LONRF3: variants seen among roughly 807,000 people sequenced by gnomAD.
LONRF3 encodes the protein LON peptidase N-terminal domain and RING finger protein 3.
A neutral mutation model predicts 51.7 loss-of-function variants in LONRF3; 19 were observed. The ratio of observed to expected loss-of-function variants is 0.37; its 90% CI spans 0.26 to 0.54. The LOEUF is 0.54. LONRF3 is among the 20% of genes least tolerant of loss of function. The pLI is 0.86. For missense variants in LONRF3, 521 were observed against 623.9 expected (o/e 0.84, Z 1.76); for synonymous variants, 265 against 257.8 (o/e 1.03, Z -0.27).
intron 7 of LONRF3, among the ~76,000 whole-genome samples, chrX:119,010,483 C>T (rs1225989776): frequency 9.0e-6 from 1 of 110,700 alleles, no homozygotes; most frequent in Non-Finnish European, 1.9e-5. Context: ...AACTAGAAAT[C>T]GTTTTTTTTT....
At chrX:118,993,452 A>T (rs1923578156) in intron 5 of LONRF3, among the ~76,000 whole-genome samples, 1 of 111,984 alleles carries the variant, frequency 8.9e-6, no homozygotes, top group Non-Finnish European at 1.9e-5. Flanking sequence ...AAGGTCTTCA[A>T]ATTAACCCAA....
chrX:118,983,359 G>A (rs1922714522), intron 3 of LONRF3, among the ~76,000 whole-genome samples: 1 of 111,839 alleles, frequency 8.9e-6, no homozygotes, highest in Non-Finnish European at 1.9e-5. Flanking sequence ...GTTTTCACCA[G>A]CCACACATGA....
rs1360807494 is a variant in LONRF3, at chrX:119,014,345, G to A, written c.2113G>A (p.Ala705Thr). The A allele has an allele frequency of 3.3e-6, 4 of 1,208,810 alleles. No individual in the cohort carries two copies. The highest frequency in any genetic ancestry group is 4.5e-6 in the Non-Finnish European group (4 of 894,157). ...CTTTGGTCCCATGCCGGAGAAAGAC[G>A]CCGATCCTCAGGTATAGAAAAATGT... is the stretch of plus-strand genomic sequence containing the variant. Reference protein sequence around the residue: ...NHFGPMPEKDADPQMNPNGPA... With the variant: ...NHFGPMPEKDTDPQMNPNGPA... Residue 705 changes from alanine to threonine, a missense_variant, in exon 10 of 11, where the codon GCC becomes ACC. Physicochemically the swap from Ala to Thr is moderately conservative, Grantham distance 58 (BLOSUM62 0). Transcript: ENST00000371628.
At chrX:119,014,763 G>A (rs1329700887) in intron 10 of LONRF3, among the ~76,000 whole-genome samples, 5 of 111,309 alleles carry the variant, frequency 4.5e-5, no homozygotes, top group East Asian at 5.7e-4. Flanking sequence ...CTGCTTTCAG[G>A]TAACTTCATA....
In LONRF3 at chrX:118,999,684, G is replaced by A. The variant is rs927681787; in HGVS notation, c.1416-6437G>A. Among the ~76,000 whole-genome samples, 3 of 111,542 alleles carry A rather than the reference G, an allele frequency of 2.7e-5. No homozygotes were observed. In the Admixed American group the frequency reaches 2.9e-4, roughly 11 times the overall value. On this transcript the variant is annotated intron_variant, in intron 5 of 10. Coordinates refer to ENST00000371628, the MANE Select transcript of LONRF3 (RefSeq NM_001031855.3). ...GAACTCAACAGGGGGCTTTGGAGGA[G>A]GTCTCAAAATTTGGTCCAAGAAATA...
intron 3 of LONRF3, among the ~76,000 whole-genome samples, chrX:118,987,283 GA>G (rs34889238): frequency 9.2e-6 from 1 of 108,307 alleles, no homozygotes; most frequent in Non-Finnish European, 1.9e-5. Flanking sequence ...TCATTACATT[GA>G]AAAAAAATTA....
chrX:118,979,300 C>CTTTTTTTTTTTT lies in LONRF3; in HGVS notation c.936+848_936+849insTTTTTTTTTTTT, dbSNP rs781007753. ...TTACAGGCGTGAGCCACCGCGCTGG[C>CTTTTTTTTTTTT]TTTTTTTTTTTGAGACGGAGTCTCA... On this transcript the variant is annotated intron_variant, in intron 2 of 10. Coordinates refer to ENST00000371628, the MANE Select transcript of LONRF3 (RefSeq NM_001031855.3). 4.0e-3 allele frequency among the ~76,000 whole-genome samples: 392 copies of CTTTTTTTTTTTT among 97,294 alleles called. 7 individuals carry two copies. Among genetic ancestry groups the CTTTTTTTTTTTT allele is most frequent in the African/African-American group, 0.014 (363 of 26,110 alleles). The allele number at this position is 97,294 out of a possible 115,157, so 84.5% of individuals were successfully genotyped here. A position where few individuals can be genotyped will look rare whatever the true frequency, so the allele number is the denominator to read the frequency against.
chrX:119,000,915 C>T (rs1318078587), intron 5 of LONRF3, among the ~76,000 whole-genome samples: 1 of 107,551 alleles, frequency 9.3e-6, no homozygotes, highest in East Asian at 2.9e-4. Context: ...CTCTCCTCCT[C>T]CTTTCCTCTT....
chrX:119,003,817 T>C (rs776551651), intron 5 of LONRF3, among the ~76,000 whole-genome samples: 7 of 112,444 alleles, frequency 6.2e-5, no homozygotes, highest in Non-Finnish European at 9.4e-5. Context: ...TTTAATTTCT[T>C]TCAATGAGGT....
chrX:119,011,653 A>G (rs763247038), intron 7 of LONRF3, among the ~76,000 whole-genome samples, 162 bp from the exon 8 acceptor site: 3 of 112,083 alleles, frequency 2.7e-5, no homozygotes, highest in Non-Finnish European at 5.6e-5. Context: ...ATATTTTTCT[A>G]TTAGCCATCA....
In LONRF3 at chrX:118,982,870, A is replaced by C; in HGVS notation, c.986A>C (p.Glu329Ala). The C allele has an allele frequency of 2.5e-6, 3 of 1,210,531 alleles. No homozygotes were observed. Among genetic ancestry groups the C allele is most frequent in the Non-Finnish European group, 3.4e-6 (3 of 894,406 alleles). The part of the protein sequence containing the change: ...QALATLGKVE[E>A]ALREFLYCVS... ...TTAGCCACCCTAGGCAAGGTGGAGGAGGCACTAAGGGAGTTTCTCTACTGT... is the reference window on the plus strand; with the variant it reads ...TTAGCCACCCTAGGCAAGGTGGAGGCGGCACTAAGGGAGTTTCTCTACTGT... The change falls in exon 3 of 11, where the codon GAG becomes GCG. Residue 329 changes from glutamate to alanine, a missense_variant. Glu to Ala is a moderately radical substitution (Grantham distance 107). Coordinates refer to ENST00000371628, the MANE Select transcript of LONRF3 (RefSeq NM_001031855.3).
chrX:118,998,742 C>T (rs750456384), intron 5 of LONRF3, among the ~76,000 whole-genome samples: 1 of 112,261 alleles, frequency 8.9e-6, no homozygotes, highest in Admixed American at 9.3e-5. Context: ...CACTTTGTCA[C>T]CCGGGCTGGA....
At chrX:118,976,749 GTTGCCCAGCTCTGGCAGT>G (rs1476272662) in intron 1 of LONRF3, 1 of 113,415 alleles carries the variant, frequency 8.8e-6, no homozygotes, top group Non-Finnish European at 1.9e-5. Flanking sequence ...GCCAGCCGGT[GTTGCCCAGCTCTGGCAGT>G]TTGCCAGGAG....
At chrX:118,988,945 A>G (rs959024169) in intron 3 of LONRF3, among the ~76,000 whole-genome samples, 51 of 110,609 alleles carry the variant, frequency 4.6e-4, no homozygotes, top group African/African-American at 1.7e-3. Context: ...AGCCCTACCA[A>G]AAGTCCTTTT....
At chrX:118,985,624 C>G (rs891805571) in intron 3 of LONRF3, among the ~76,000 whole-genome samples, 6 of 112,056 alleles carry the variant, frequency 5.4e-5, no homozygotes, top group African/African-American at 1.9e-4. Flanking sequence ...AGCTGGCCGT[C>G]TGGCAGGAGA....
intron 4 of LONRF3, 78 bp downstream of exon 4, chrX:118,989,750 G>T (rs1923288604): frequency 5.7e-6 from 6 of 1,047,974 alleles, no homozygotes; most frequent in Non-Finnish European, 7.7e-6. Flanking sequence ...ACTTACCTCT[G>T]TCTGGGGGCT....
intron 2 of LONRF3, among the ~76,000 whole-genome samples, chrX:118,979,260 C>T (rs1922361210): frequency 9.1e-6 from 1 of 109,735 alleles, no homozygotes; most frequent in Non-Finnish European, 1.9e-5. Flanking sequence ...GCCTTGGCCT[C>T]CCAAAGTGCT....
chrX:118,984,911 T>C (rs183910514), intron 3 of LONRF3, among the ~76,000 whole-genome samples: 7 of 112,329 alleles, frequency 6.2e-5, no homozygotes, highest in Non-Finnish European at 1.3e-4. Context: ...ATTTATAAGC[T>C]GCCTTCGAAC....
At chrX:119,015,167 C>T (rs2147311614) in intron 10 of LONRF3, among the ~76,000 whole-genome samples, 1 of 111,477 alleles carries the variant, frequency 9.0e-6, no homozygotes, top group East Asian at 2.8e-4. Flanking sequence ...TATTTCCTCA[C>T]GACCATCTCT....
Sources: allele counts gnomAD v4.1 joint callset (sites outside exome capture counted in the v4.1 genomes callset), GRCh38; gene constraint gnomAD v4.1.1; transcripts MANE v1.5; gene names NCBI Gene and HGNC (gene_info 2026-07-23, HGNC 2026-07-21).